EXD2: variants seen among roughly 807,000 people sequenced by gnomAD.
EXD2 encodes the protein exonuclease 3'-5' domain-containing protein 2.
EXD2 carries 40 observed loss-of-function variants against 62.5 expected under a neutral mutation model. The observed-to-expected ratio is 0.64, with a 90% CI of 0.50 to 0.83. The LOEUF is 0.83. Ranked by LOEUF, EXD2 falls within the 40% of genes least tolerant of loss-of-function variation. The probability of loss-of-function intolerance (pLI) is 0.00; values close to 1 mark genes in which losing one functional copy is unlikely to be tolerated. For missense variants in EXD2, 671 were observed against 761.8 expected (o/e 0.88, Z 1.40); for synonymous variants, 239 against 291.9 (o/e 0.82, Z 1.85).
chr14:69,232,916 T>G (rs1289729409), intron 5 of EXD2, among the ~76,000 whole-genome samples: 2 of 152,232 alleles, frequency 1.3e-5, no homozygotes, highest in East Asian at 3.8e-4. Context: ...CTTTAATTGC[T>G]TATGCTTTTG....
chr14:69,195,616 A>C (rs2042178763), intron 1 of EXD2, among the ~76,000 whole-genome samples: 1 of 152,164 alleles, frequency 6.6e-6, no homozygotes, highest in Non-Finnish European at 1.5e-5. Context: ...CCGTAGTCTA[A>C]TTTTAGAACA....
chr14:69,234,474 T>C (rs2043697893), intron 5 of EXD2, among the ~76,000 whole-genome samples: 1 of 152,224 alleles, frequency 6.6e-6, no homozygotes, highest in African/African-American at 2.4e-5. Flanking sequence ...TTAGCTATTT[T>C]AGTTAAAAAC....
At chr14:69,227,650 C>A (rs560388783) in intron 3 of EXD2, among the ~76,000 whole-genome samples, 3 of 152,094 alleles carry the variant, frequency 2.0e-5, no homozygotes. Flanking sequence ...GAGTTCGAGA[C>A]CAGGGTGACA....
chr14:69,230,068 T>G (rs2043514981), intron 4 of EXD2, among the ~76,000 whole-genome samples: 2 of 152,140 alleles, frequency 1.3e-5, no homozygotes, highest in African/African-American at 4.8e-5. Flanking sequence ...TGGCACCAGC[T>G]CCCCAGAATG....
At chr14:69,200,027 A>G (rs923995089) in intron 1 of EXD2, among the ~76,000 whole-genome samples, 1 of 152,212 alleles carries the variant, frequency 6.6e-6, no homozygotes, top group Non-Finnish European at 1.5e-5. Context: ...TGAGTAACGC[A>G]TTGTGCAGCA....
chr14:69,239,983 G>C (rs2140055664), intron 9 of EXD2, among the ~76,000 whole-genome samples: 4 of 152,350 alleles, frequency 2.6e-5, no homozygotes, highest in Middle Eastern at 3.4e-3. Flanking sequence ...GAATTGGGTA[G>C]ATGAATGCTG....
At chr14:69,234,082 T>A (rs150176718) in intron 5 of EXD2, among the ~76,000 whole-genome samples, 1,848 of 152,288 alleles carry the variant, frequency 0.012, 30 homozygotes, top group Middle Eastern at 0.051. Context: ...TACTTTTCTT[T>A]ATGACCAGCT....
intron 1 of EXD2, among the ~76,000 whole-genome samples, chr14:69,200,666 G>C (rs929751571): frequency 4.0e-5 from 6 of 151,394 alleles, no homozygotes; most frequent in Non-Finnish European, 8.8e-5. Context: ...CCAAGATCGC[G>C]CCACTGCACT....
intron 3 of EXD2, among the ~76,000 whole-genome samples, chr14:69,212,835 A>C (rs375057339): frequency 2.7e-5 from 4 of 148,850 alleles, no homozygotes; most frequent in African/African-American, 7.4e-5. Context: ...CAGCCTCCTG[A>C]GTAGCTGGAA....
At chr14:69,226,368 C>A (rs1706801649) in intron 3 of EXD2, among the ~76,000 whole-genome samples, 1 of 152,168 alleles carries the variant, frequency 6.6e-6, no homozygotes, top group Non-Finnish European at 1.5e-5. Flanking sequence ...ACGAAAATAG[C>A]TCTCACTGAT....
At position 69,242,114 on chromosome 14, in the gene EXD2, A is replaced by T. The variant is rs1290191295; in HGVS notation, c.*1014A>T. 1 of 398,470 alleles carries T rather than the reference A, an allele frequency of 2.5e-6. No individual in the cohort carries two copies. Among genetic ancestry groups the T allele is most frequent in the Admixed American group, 4.4e-5 (1 of 22,722 alleles). The allele number at this position is 398,470 out of a possible 1,614,324, so 24.7% of individuals were successfully genotyped here. ...ACACTGAGCTTACTTAATACATTAG[A>T]TGTTCAAAAGAGGAGCGTTGTTTCA... On this transcript the variant is annotated 3_prime_UTR_variant, in exon 10 of 10. Coordinates refer to ENST00000685843, the MANE Select transcript of EXD2 (RefSeq NM_001193360.2).
At chr14:69,229,431 C>G (rs770682483) in intron 4 of EXD2, among the ~76,000 whole-genome samples, 54 of 152,244 alleles carry the variant, frequency 3.5e-4, no homozygotes, top group Middle Eastern at 6.8e-3. Context: ...ATCTGTATTT[C>G]TGGCTTCTCT....
At chr14:69,228,683 CA>C (rs1469821959) in intron 3 of EXD2, 132 bp from the exon 4 acceptor site, 1 of 1,202,932 alleles carries the variant, frequency 8.3e-7, no homozygotes, top group African/African-American at 1.5e-5. Flanking sequence ...TCTGTAGATG[CA>C]AACCAAAACC....
chr14:69,191,965 C>T (rs1004350194), intron 1 of EXD2: 14 of 152,326 alleles, frequency 9.2e-5, no homozygotes, highest in Admixed American at 7.2e-4. Flanking sequence ...GAGGCCCCGC[C>T]CGCGGCACCT....
At chr14:69,227,483 G>T (rs2043401755) in intron 3 of EXD2, among the ~76,000 whole-genome samples, 1 of 152,152 alleles carries the variant, frequency 6.6e-6, no homozygotes, top group South Asian at 2.1e-4. Flanking sequence ...TGTGAGTTTT[G>T]TATGTACATT....
At chr14:69,233,590 C>T (rs1459111205) in intron 5 of EXD2, among the ~76,000 whole-genome samples, 3 of 151,654 alleles carry the variant, frequency 2.0e-5, no homozygotes, top group African/African-American at 7.3e-5. Flanking sequence ...CAGGCGCGTG[C>T]CACCGCGCCC....
chr14:69,223,430 A>G (rs1350744046), intron 3 of EXD2, among the ~76,000 whole-genome samples: 1 of 152,238 alleles, frequency 6.6e-6, no homozygotes, highest in African/African-American at 2.4e-5. Flanking sequence ...GGGTTGTCCA[A>G]CAGGATGGTG....
intron 9 of EXD2, among the ~76,000 whole-genome samples, chr14:69,240,227 A>T (rs1466871527): frequency 6.6e-6 from 1 of 152,062 alleles, no homozygotes; most frequent in Non-Finnish European, 1.5e-5. Context: ...AGGTGAAAGC[A>T]CCATTCACAC....
intron 1 of EXD2, among the ~76,000 whole-genome samples, chr14:69,196,380 A>G (rs184540679): frequency 6.6e-6 from 1 of 152,224 alleles, no homozygotes; most frequent in African/African-American, 2.4e-5. Context: ...ACATACGGAT[A>G]TGCTACATTT....
Sources: allele counts gnomAD v4.1 joint callset (sites outside exome capture counted in the v4.1 genomes callset), GRCh38; gene constraint gnomAD v4.1.1; transcripts MANE v1.5; gene names NCBI Gene and HGNC (gene_info 2026-07-23, HGNC 2026-07-21).